Variants in DRGX observed in about 807,000 individuals in gnomAD.
DRGX encodes dorsal root ganglia homeobox, also known as dorsal root ganglia homeobox protein.
In DRGX, 21 loss-of-function variants were observed where a neutral mutation model predicts 28.6. The observed-to-expected ratio is 0.73, with a 90% CI of 0.52 to 1.06. The LOEUF is 1.06. Among genes scored for constraint, DRGX ranks in the 50% least tolerant of loss-of-function variants. The pLI, the probability that DRGX is intolerant of heterozygous loss-of-function variation, is 0.00. For synonymous variants in DRGX, 136 were observed against 139.1 expected, an observed-to-expected ratio of 0.98 and a Z score of 0.16; for missense variants, 354 against 343.9, an observed-to-expected ratio of 1.03 and a Z score of -0.23.
chr10:49,395,499 C>T lies in DRGX; in HGVS notation c.-59G>A. 6.5e-7 allele frequency: 1 copy of T among 1,537,958 alleles called. No individual in the cohort carries two copies. On this transcript the variant is annotated 5_prime_UTR_variant, in exon 2 of 7. Coordinates refer to ENST00000374139, the MANE Select transcript of DRGX (RefSeq NM_001276451.2). Reference sequence around the variant, plus strand: ...CTGGGAGGGTGGCAGCAGAACGGACCCGCGCGCGTTGCTCCTGCCTGGCTG... The same window carrying T: ...CTGGGAGGGTGGCAGCAGAACGGACTCGCGCGCGTTGCTCCTGCCTGGCTG...
intron 6 of DRGX, among the ~76,000 whole-genome samples, chr10:49,383,609 C>T (rs1849800699): frequency 6.6e-6 from 1 of 152,220 alleles, no homozygotes; most frequent in South Asian, 2.1e-4. Context: ...GTGTGTCCCT[C>T]CCAAAATTCA....
At chr10:49,367,911 A>G (rs1849616782) in intron 6 of DRGX, among the ~76,000 whole-genome samples, 1 of 152,178 alleles carries the variant, frequency 6.6e-6, no homozygotes, top group Non-Finnish European at 1.5e-5. Context: ...CTGGAAGGCC[A>G]CCCTGGCCTG....
At chr10:49,387,370 G>A (rs944005996) in intron 4 of DRGX, among the ~76,000 whole-genome samples, 1 of 152,128 alleles carries the variant, frequency 6.6e-6, no homozygotes, top group Non-Finnish European at 1.5e-5. Context: ...TAGAAACATT[G>A]ACTCTGGGTC....
chr10:49,364,195 TCTTTC>T lies in DRGX; in HGVS notation c.*1916_*1920del, dbSNP rs1178280269. 3 of 152,252 alleles carry T rather than the reference TCTTTC, an allele frequency of 2.0e-5. No homozygotes were observed. Among genetic ancestry groups the T allele is most frequent in the Admixed American group, 6.5e-5 (1 of 15,288 alleles). The allele number at this position is 152,252 out of a possible 1,614,324, so 9.4% of individuals were successfully genotyped here. On this transcript the variant is annotated 3_prime_UTR_variant, in exon 7 of 7. Transcript: ENST00000374139. ...CTCTGCAGAGGTTTGGTGCTCATTT[TCTTTC>T]CTTTCAGTAACATCAGGCAGACTTT... is the stretch of plus-strand genomic sequence containing the variant.
intron 6 of DRGX, among the ~76,000 whole-genome samples, chr10:49,379,887 C>CCAGCCTA (rs1261031439): frequency 6.6e-6 from 1 of 152,252 alleles, no homozygotes; most frequent in Non-Finnish European, 1.5e-5. Context: ...GGGCCAGACT[C>CCAGCCTA]CAGCCTATCT....
At chr10:49,389,360 C>T (rs1849874388) in intron 4 of DRGX, among the ~76,000 whole-genome samples, 1 of 152,038 alleles carries the variant, frequency 6.6e-6, no homozygotes, top group Non-Finnish European at 1.5e-5. Flanking sequence ...TAGTCTTAAC[C>T]CCAAGCCCCT....
At chr10:49,393,156 G>T (rs1438498465) in intron 2 of DRGX, among the ~76,000 whole-genome samples, 1 of 152,132 alleles carries the variant, frequency 6.6e-6, no homozygotes, top group East Asian at 1.9e-4. Flanking sequence ...ATGCCCATCA[G>T]CAGATGCTTT....
At chr10:49,388,311 T>C (rs1457295568) in intron 4 of DRGX, among the ~76,000 whole-genome samples, 1 of 152,166 alleles carries the variant, frequency 6.6e-6, no homozygotes, top group East Asian at 1.9e-4. Context: ...AAAGAAATGC[T>C]TGGCAAGACC....
intron 2 of DRGX, among the ~76,000 whole-genome samples, chr10:49,394,138 A>C (rs1026279149): frequency 1.3e-5 from 2 of 152,164 alleles, no homozygotes; most frequent in African/African-American, 4.8e-5. Flanking sequence ...CTGCATGGGA[A>C]CTTGGGGATA....
chr10:49,382,338 A>G (rs1197979968), intron 6 of DRGX, among the ~76,000 whole-genome samples: 5 of 152,190 alleles, frequency 3.3e-5, no homozygotes, highest in Non-Finnish European at 7.4e-5. Context: ...AAAAGAGCTC[A>G]GTCAGGTGCC....
rs769100690 is a variant in DRGX at position 49,366,290 on chromosome 10, C to T, written c.618G>A (p.Val206=). 6 of 1,613,924 alleles carry T rather than the reference C, an allele frequency of 3.7e-6. No homozygotes were observed. The highest frequency in any genetic ancestry group is 5.1e-6 in the Non-Finnish European group (6 of 1,179,860). The change falls in exon 7 of 7, where the codon GTG becomes GTA. Residue 206 remains valine (V), a synonymous_variant. Transcript: ENST00000374139. ...YGCQSNRTAS[V]ATLRMKAREH... ...CGCGGGCCTTCATGCGCAGGGTGGC[C>T]ACGCTGGCCGTGCGGTTACTCTGGC... is the stretch of plus-strand genomic sequence containing the variant.
chr10:49,385,671 A>G (rs1490200241), intron 6 of DRGX, among the ~76,000 whole-genome samples: 1 of 151,892 alleles, frequency 6.6e-6, no homozygotes, highest in Non-Finnish European at 1.5e-5. Context: ...TGCAGGGGAC[A>G]CCCTAAGGGT....
chr10:49,379,388 C>T lies in DRGX; in HGVS notation c.526+7090G>A, dbSNP rs566444439. On this transcript the variant is annotated intron_variant, in intron 6 of 6. Transcript: ENST00000374139. ...TTCGTGCATTTTTCTAATGAATATT[C>T]TATTTTACAATAAAACCATTATAAA... 5.3e-5 allele frequency among the ~76,000 whole-genome samples: 8 copies of T among 152,238 alleles called. No individual in the cohort carries two copies. The East Asian group carries it at 1.5e-3, about 29-fold the overall frequency.
chr10:49,366,080 C>T lies in DRGX; in HGVS notation c.*36G>A, dbSNP rs371537979. On this transcript the variant is annotated 3_prime_UTR_variant, in exon 7 of 7. Coordinates refer to ENST00000374139, the MANE Select transcript of DRGX (RefSeq NM_001276451.2). ...GGGCTGAGGCTGGGAGAAGGAGGGGCGGGGGAGGGCAGGCCGGGCGGGGCA... is the reference window on the plus strand; with the variant it reads ...GGGCTGAGGCTGGGAGAAGGAGGGGTGGGGGAGGGCAGGCCGGGCGGGGCA... The T allele has an allele frequency of 2.1e-5, 25 of 1,185,050 alleles. No individual in the cohort carries two copies. The highest frequency in any genetic ancestry group is 7.8e-5 in the Admixed American group (3 of 38,526). 73.4% of individuals were successfully genotyped at this position (1,185,050 alleles called of 1,614,324 possible).
rs1292424273 is a variant in DRGX, at chr10:49,391,023, C to T, written c.132+141G>A. 3.0e-5 allele frequency: 29 copies of T among 965,444 alleles called. No homozygotes were observed. The East Asian group carries it at 3.9e-4, about 13-fold the overall frequency. The allele number at this position is 965,444 out of a possible 1,614,324, so 59.8% of individuals were successfully genotyped here. On this transcript the variant is annotated intron_variant, in intron 3 of 6. Coordinates refer to ENST00000374139, the MANE Select transcript of DRGX (RefSeq NM_001276451.2). ...CCTCCTAAATTTTGATTCCATGGCA[C>T]ATAAGTTGTTCAAGAAAACAGAAAG...
intron 6 of DRGX, among the ~76,000 whole-genome samples, chr10:49,380,037 C>A (rs779589660): frequency 6.6e-6 from 1 of 152,230 alleles, no homozygotes; most frequent in Non-Finnish European, 1.5e-5. Flanking sequence ...CGGGCTCTGA[C>A]TCTAGGGAAC....
intron 3 of DRGX, 41 bp downstream of exon 3, chr10:49,391,123 A>G: frequency 2.5e-6 from 4 of 1,592,112 alleles, no homozygotes; most frequent in Non-Finnish European, 2.6e-6. Flanking sequence ...TGGGGGAGGT[A>G]GGAAGTAGCT....
At chr10:49,395,344 C>A (rs993287344) in intron 2 of DRGX, 63 bp downstream of exon 2, 39 of 1,542,496 alleles carry the variant, frequency 2.5e-5, no homozygotes, top group Non-Finnish European at 3.3e-5. Context: ...GCCCTGCTGC[C>A]GCTCCGGCCC....
chr10:49,378,434 C>CAG (rs1410842011), intron 6 of DRGX, among the ~76,000 whole-genome samples: 3 of 152,134 alleles, frequency 2.0e-5, no homozygotes, highest in African/African-American at 7.2e-5. Context: ...GAGAAAGTGC[C>CAG]AGTGACTGAT....
Sources: gnomAD v4.1 joint callset for allele counts (sites outside exome capture counted in the v4.1 genomes callset) on GRCh38, gnomAD v4.1.1 for gene constraint, MANE v1.5 for transcripts, NCBI Gene and HGNC (gene_info 2026-07-23, HGNC 2026-07-21) for gene names.